The following SYN3 variants were observed in gnomAD, a reference collection of about 807,000 sequenced individuals.
The protein encoded by SYN3 is synapsin III.
A neutral mutation model predicts 65.8 loss-of-function variants in SYN3; 35 were observed. The ratio of observed to expected loss-of-function variants is 0.53; its 90% confidence interval spans 0.41 to 0.70. The LOEUF (loss-of-function observed/expected upper bound fraction) is 0.70. SYN3 is among the 30% of genes least tolerant of loss of function. SYN3 has a pLI of 0.00. For missense variants in SYN3, 680 were observed against 749.0 expected, an observed-to-expected ratio of 0.91 and a Z score of 1.08; for synonymous variants, 270 against 292.9, an observed-to-expected ratio of 0.92 and a Z score of 0.80.
chr22:32,565,087 A>AACAGTGCTCCCGGACTGCACCCAG (rs1569043403), intron 7 of SYN3, among the ~76,000 whole-genome samples: 26 of 149,814 alleles, frequency 1.7e-4, no homozygotes, highest in African/African-American at 5.4e-4. Flanking sequence ...ACTGTACACA[A>AACAGTGCTCCCGGACTGCACCCAG]ACAGTGCTCC....
intron 7 of SYN3, among the ~76,000 whole-genome samples, chr22:32,550,441 G>C (rs149958215): frequency 7.5e-4 from 113 of 150,068 alleles, no homozygotes; most frequent in African/African-American, 2.7e-3. Context: ...TTTTAAAACT[G>C]CTAAGAAATA....
intron 6 of SYN3, among the ~76,000 whole-genome samples, chr22:32,669,887 G>A (rs1373361517): frequency 6.6e-6 from 1 of 152,128 alleles, no homozygotes; most frequent in Non-Finnish European, 1.5e-5. Context: ...TGGCAGGATA[G>A]GGCAGCCATC....
chr22:33,032,552 C>T (rs1027900825), intron 1 of SYN3, among the ~76,000 whole-genome samples: 4 of 151,858 alleles, frequency 2.6e-5, no homozygotes, highest in Middle Eastern at 3.2e-3. Flanking sequence ...AAATTTTAGT[C>T]TTTGTGACAA....
chr22:32,556,402 A>C (rs375401615), intron 7 of SYN3, among the ~76,000 whole-genome samples: 4 of 152,074 alleles, frequency 2.6e-5, no homozygotes, highest in Non-Finnish European at 5.9e-5. Context: ...ACCACCAAAA[A>C]CTCAGCTTCA....
At position 33,006,797 on chromosome 22, in the gene SYN3, G is replaced by T; in HGVS notation, c.-135C>A. 1 of 812,768 alleles carries T rather than the reference G, an allele frequency of 1.2e-6. No homozygotes were observed. The highest frequency in any genetic ancestry group is 1.9e-6 in the Non-Finnish European group (1 of 528,614). The allele number at this position is 812,768 out of a possible 1,614,324, so 50.3% of individuals were successfully genotyped here. A position where few individuals can be genotyped will look rare whatever the true frequency, so the allele number is the denominator to read the frequency against. On this transcript the variant is annotated 5_prime_UTR_variant, in exon 2 of 14. In the 5' UTR this introduces an upstream ATG that the reference lacks. Transcript: ENST00000358763. ...CCAGGGGGATTTTGCGCAACCAGCA[G>T]TCAGCTTTAGCTGCCTTTATTTACC...
intron 7 of SYN3, among the ~76,000 whole-genome samples, chr22:32,569,149 A>C (rs2058710962): frequency 6.6e-6 from 1 of 152,144 alleles, no homozygotes; most frequent in Non-Finnish European, 1.5e-5. Flanking sequence ...CAATTTCCTC[A>C]TGTGTAAAAT....
At chr22:32,545,849 G>A (rs115299409) in intron 7 of SYN3, among the ~76,000 whole-genome samples, 12 of 152,206 alleles carry the variant, frequency 7.9e-5, no homozygotes, top group South Asian at 2.1e-4. Context: ...GCGTGAGCCC[G>A]GGTATCTTAT....
At chr22:32,966,513 T>C (rs2146917380) in intron 3 of SYN3, among the ~76,000 whole-genome samples, 1 of 152,086 alleles carries the variant, frequency 6.6e-6, no homozygotes, top group Non-Finnish European at 1.5e-5. Flanking sequence ...CCAAAACAAG[T>C]CTAATGCACA....
chr22:33,050,565 G>A (rs1364179604), intron 1 of SYN3, among the ~76,000 whole-genome samples: 1 of 152,030 alleles, frequency 6.6e-6, no homozygotes, highest in Non-Finnish European at 1.5e-5. Flanking sequence ...TCAGAACCAG[G>A]GTCCTCCAAT....
chr22:32,684,013 T>C (rs1383660096), intron 6 of SYN3, among the ~76,000 whole-genome samples: 2 of 152,196 alleles, frequency 1.3e-5, no homozygotes, highest in African/African-American at 2.4e-5. Flanking sequence ...TCCACTAGTA[T>C]TCATTCCTAA....
chr22:32,710,073 A>G (rs201328705), intron 6 of SYN3, among the ~76,000 whole-genome samples: 16 of 91,012 alleles, frequency 1.8e-4, no homozygotes, highest in Non-Finnish European at 3.2e-4. Context: ...ATATATATAT[A>G]TGCACACACA....
At chr22:32,548,022 C>A (rs192318999) in intron 7 of SYN3, among the ~76,000 whole-genome samples, 1 of 152,310 alleles carries the variant, frequency 6.6e-6, no homozygotes, top group East Asian at 1.9e-4. Flanking sequence ...GTCATTCTTT[C>A]CTTAACCCAT....
At chr22:33,014,345 A>G (rs1407350486) in intron 1 of SYN3, 2 of 152,226 alleles carry the variant, frequency 1.3e-5, no homozygotes, top group Admixed American at 1.3e-4. Context: ...TGCTGCAATG[A>G]ACCTGGGAGT....
chr22:32,667,500 G>A (rs2060304530), intron 6 of SYN3, among the ~76,000 whole-genome samples: 1 of 152,194 alleles, frequency 6.6e-6, no homozygotes, highest in Non-Finnish European at 1.5e-5. Flanking sequence ...GTATTGCAAA[G>A]TCTTGGCACA....
chr22:32,941,117 A>T (rs1162676925), intron 3 of SYN3, among the ~76,000 whole-genome samples: 1 of 152,244 alleles, frequency 6.6e-6, no homozygotes, highest in Non-Finnish European at 1.5e-5. Context: ...AGGTTAAAAA[A>T]AAAGTTTTAT....
At chr22:32,570,778 C>G (rs1198408485) in intron 7 of SYN3, among the ~76,000 whole-genome samples, 1 of 152,090 alleles carries the variant, frequency 6.6e-6, no homozygotes, top group Non-Finnish European at 1.5e-5. Flanking sequence ...GAGCCAAAGA[C>G]CAACACTGGC....
chr22:32,685,574 A>G (rs1231683778), intron 6 of SYN3, among the ~76,000 whole-genome samples: 3 of 152,204 alleles, frequency 2.0e-5, no homozygotes, highest in Non-Finnish European at 2.9e-5. Flanking sequence ...AGTATTCAGT[A>G]GTACATAGCA....
intron 3 of SYN3, among the ~76,000 whole-genome samples, chr22:32,969,900 T>C (rs141514590): frequency 6.6e-6 from 1 of 152,304 alleles, no homozygotes; most frequent in East Asian, 1.9e-4. Context: ...TGTATATCAA[T>C]GGGAACTATG....
chr22:32,658,187 C>G (rs1263759279), intron 6 of SYN3, among the ~76,000 whole-genome samples: 1 of 152,190 alleles, frequency 6.6e-6, no homozygotes. Flanking sequence ...AAAGGCAGAG[C>G]CTAGGGTGAG....
Sources: allele counts gnomAD v4.1 joint callset (sites outside exome capture counted in the v4.1 genomes callset), GRCh38; gene constraint gnomAD v4.1.1; transcripts MANE v1.5; gene names NCBI Gene and HGNC (gene_info 2026-07-23, HGNC 2026-07-21).